Variants in LTBP3 observed in about 807,000 individuals in gnomAD.
LTBP3 encodes the protein latent transforming growth factor beta binding protein 3.
Under a neutral mutation model 159.7 loss-of-function variants are expected in LTBP3, and 97 were observed. The observed-to-expected ratio is 0.61, with a 90% CI of 0.52 to 0.72. The LOEUF is 0.72. LTBP3 is among the 30% of genes least tolerant of loss of function. The pLI, the probability that LTBP3 is intolerant of heterozygous loss-of-function variation, is 0.00. For missense variants in LTBP3, 1,584 were observed against 1,864.3 expected (o/e 0.85, Z 2.77); for synonymous variants, 824 against 777.1 (o/e 1.06, Z -1.00).
Position 65,540,715 on chromosome 11 carries a change from A to ACAGGAGGGGCGGGGCCTC in LTBP3, c.2978-102_2978-101insGAGGCCCCGCCCCTCCTG. 4.6e-6 allele frequency: 7 copies of ACAGGAGGGGCGGGGCCTC among 1,511,096 alleles called. 1 individual carries two copies. The highest frequency in any genetic ancestry group is 2.3e-5 in the East Asian group (1 of 44,410). The allele number at this position is 1,511,096 out of a possible 1,614,324, so 93.6% of individuals were successfully genotyped here. On this transcript the variant is annotated intron_variant, in intron 21 of 27. Coordinates refer to ENST00000301873, the MANE Select transcript of LTBP3 (RefSeq NM_001130144.3). Reference sequence around the variant, plus strand: ...GCGAAGCCATCCCCGGGCGGGGCCTACAGGAGGGGCGGGGCCTACAGGGCG... The same window carrying ACAGGAGGGGCGGGGCCTC: ...GCGAAGCCATCCCCGGGCGGGGCCTACAGGAGGGGCGGGGCCTCCAGGAGGGGCGGGGCCTACAGGGCG...
chr11:65,558,011 G>A lies in LTBP3; in HGVS notation c.-52C>T. 9.1e-7 allele frequency: 1 copy of A among 1,097,256 alleles called. No homozygotes were observed. The highest frequency in any genetic ancestry group is 1.1e-6 in the Non-Finnish European group (1 of 901,820). The allele number at this position is 1,097,256 out of a possible 1,614,324, so 68.0% of individuals were successfully genotyped here. ...GGGGCGCGCCCGGGCGGGGCGAGGG[G>A]CCCGCGCCCGAAGGGAGTAGAGGGC... On this transcript the variant is annotated 5_prime_UTR_variant, in exon 1 of 28. Transcript: ENST00000301873.
At chr11:65,543,371 T>TGGG (rs956911435) in intron 17 of LTBP3, 56 bp downstream of exon 17, 2 of 1,611,726 alleles carry the variant, frequency 1.2e-6, no homozygotes, top group Non-Finnish European at 1.7e-6. Context: ...CCCTGGGGGG[T>TGGG]GGGGGTCCTG....
rs1014208269 is a variant in LTBP3, at chr11:65,548,825, C to T, written c.1721-780G>A. ...TTTGCCTGGAGTACCTCTCCTTAGG[C>T]TTCCTTAACAGCCCCTCCTTTGAGG... On this transcript the variant is annotated intron_variant, in intron 11 of 27. Transcript: ENST00000301873. 2.6e-5 allele frequency: 4 copies of T among 152,448 alleles called. No homozygotes were observed. In the East Asian group the frequency reaches 7.7e-4, roughly 29 times the overall value. The allele number at this position is 152,448 out of a possible 1,614,324, so 9.4% of individuals were successfully genotyped here.
Position 65,543,477 on chromosome 11 carries a change from C to A in LTBP3, c.2426G>T (p.Cys809Phe). ...CAGATGGTAGCCAGAGAGGCACTGACACTGGAAAGATCCTGGCGTGTTGCT... is the reference window on the plus strand; with the variant it reads ...CAGATGGTAGCCAGAGAGGCACTGAAACTGGAAAGATCCTGGCGTGTTGCT... ...ICSNTPGSFQCQCLSGYHLSR... is the reference protein window; with the variant it reads ...ICSNTPGSFQFQCLSGYHLSR... Residue 809 changes from cysteine (C) to phenylalanine (F), a missense_variant, in exon 17 of 28, where the codon TGT becomes TTT. Transcript: ENST00000301873. 1 of 1,614,134 alleles carries A rather than the reference C, an allele frequency of 6.2e-7. No individual in the cohort carries two copies. Among genetic ancestry groups the A allele is most frequent in the Non-Finnish European group, 8.5e-7 (1 of 1,179,990 alleles).
In LTBP3 at chr11:65,557,639, G is replaced by A. The variant is rs767979308; in HGVS notation, c.321C>T (p.Gly107=). 7.5e-6 allele frequency: 12 copies of A among 1,610,036 alleles called. No individual in the cohort carries two copies. The highest frequency in any genetic ancestry group is 1.7e-5 in the Admixed American group (1 of 59,982). ...GHSTDTLTGS[G]FRVVVCPLPC... ...GCCCCCGGCCCTCACCCACGCGGAAGCCGGAGCCCGTGAGCGTGTCTGTGC... is the reference window on the plus strand; with the variant it reads ...GCCCCCGGCCCTCACCCACGCGGAAACCGGAGCCCGTGAGCGTGTCTGTGC... Residue 107 remains glycine, a synonymous_variant, in exon 1 of 28, where the codon GGC becomes GGT. Coordinates refer to ENST00000301873, the MANE Select transcript of LTBP3 (RefSeq NM_001130144.3).
At chr11:65,540,696 C>G (rs1856078639) in intron 21 of LTBP3, 82 bp from the exon 22 acceptor site, 1 of 1,197,512 alleles carries the variant, frequency 8.4e-7, no homozygotes, top group South Asian at 1.3e-5. Flanking sequence ...CGGAGCGAAG[C>G]CATCCCCGGG....
chr11:65,552,253 C>T lies in LTBP3; in HGVS notation c.1340G>A (p.Gly447Asp). The T allele has an allele frequency of 6.2e-7, 1 of 1,614,142 alleles. No individual in the cohort carries two copies. Among genetic ancestry groups the T allele is most frequent in the Non-Finnish European group, 8.5e-7 (1 of 1,180,008 alleles). Residue 447 changes from glycine to aspartate, a missense_variant, in exon 7 of 28, where the codon GGC becomes GAC. By Grantham distance (94) the Gly-to-Asp change is moderately conservative (BLOSUM62 -1). Transcript: ENST00000301873. The surrounding 1 kb of genome is among the most constrained non-coding windows in gnomAD (Gnocchi z 6.0). ...CCCGGGTAACCCTGACTCACCGGTG[C>T]CATCTGTTGGGCAGCGCTGACACCG... ...GARCQRCPTD[G>D]TAAFKEICPA...
intron 11 of LTBP3, among the ~76,000 whole-genome samples, chr11:65,550,439 A>G (rs1565097783): frequency 6.6e-6 from 1 of 151,890 alleles, no homozygotes; most frequent in African/African-American, 2.4e-5. Flanking sequence ...AATAAAAATA[A>G]AAATAAAAAA....
intron 11 of LTBP3, chr11:65,548,691 C>T (rs866765534): frequency 6.2e-6 from 1 of 162,210 alleles, no homozygotes; most frequent in African/African-American, 2.4e-5. Flanking sequence ...TCACCAGTTT[C>T]ATTTCCCACA....
rs780613881 is a variant in LTBP3 at position 65,547,547 on chromosome 11, G to A, written c.1999C>T (p.Pro667Ser). 2 of 1,614,012 alleles carry A rather than the reference G, an allele frequency of 1.2e-6. No homozygotes were observed. The highest frequency in any genetic ancestry group is 1.7e-5 in the Admixed American group (1 of 60,014). The change falls in exon 14 of 28, where the codon CCC (proline) becomes TCC (serine). Residue 667 changes from proline (P) to serine (S), a missense_variant. This residue lies in a region of LTBP3 where 565 missense variants were observed against 677.7 expected (regional missense o/e 0.83). Coordinates refer to ENST00000301873, the MANE Select transcript of LTBP3 (RefSeq NM_001130144.3). The surrounding 1 kb of genome is among the most constrained non-coding windows in gnomAD (Gnocchi z 4.6). Reference sequence around the variant, plus strand: ...AAGCCGCCGTCGCCGCACAGGTGGGGCTTGGCGCATTCGTTCAGGTCTGTG... The same window carrying A: ...AAGCCGCCGTCGCCGCACAGGTGGGACTTGGCGCATTCGTTCAGGTCTGTG... ...SCVDLNECAK[P>S]HLCGDGGFCI... is the part of the protein sequence containing the mutation.
Position 65,538,601 on chromosome 11 carries a change from C to G in LTBP3, c.*479G>C, listed in dbSNP as rs750924073. On this transcript the variant is annotated 3_prime_UTR_variant, in exon 28 of 28. Coordinates refer to ENST00000301873, the MANE Select transcript of LTBP3 (RefSeq NM_001130144.3). ...GTGGCCCTTCCCGGCTGCGGAGAGCCCGCCCCACAGATGTATTTATTGTAC... is the reference window on the plus strand; with the variant it reads ...GTGGCCCTTCCCGGCTGCGGAGAGCGCGCCCCACAGATGTATTTATTGTAC... 2.1e-5 allele frequency: 33 copies of G among 1,597,684 alleles called. No homozygotes were observed. Among genetic ancestry groups the G allele is most frequent in the Non-Finnish European group, 2.6e-5 (30 of 1,172,654 alleles).
rs748132211 is a variant in LTBP3 at position 65,549,567 on chromosome 11, C to CTTT, written c.1721-1525_1721-1523dup. Among the ~76,000 whole-genome samples the CTTT allele has an allele frequency of 8.7e-3, 560 of 64,668 alleles. 12 individuals carry two copies. Among genetic ancestry groups the CTTT allele is most frequent in the Middle Eastern group, 0.019 (1 of 52 alleles). The allele number at this position is 64,668 out of a possible 152,430, so 42.4% of individuals were successfully genotyped here. ...GCATGCACCACCACGCCCAGCTAAT[C>CTTT]TTTTTTTTTTTTTTTTTTTTTTTTG... On this transcript the variant is annotated intron_variant, in intron 11 of 27. Coordinates refer to ENST00000301873, the MANE Select transcript of LTBP3 (RefSeq NM_001130144.3).
In LTBP3 at chr11:65,539,591, G is replaced by A. The variant is rs1448751656; in HGVS notation, c.3585C>T (p.Ser1195=). 1.2e-6 allele frequency: 2 copies of A among 1,612,950 alleles called. No individual in the cohort carries two copies. Among genetic ancestry groups the A allele is most frequent in the Non-Finnish European group, 1.7e-6 (2 of 1,179,454 alleles). ...ACAGCAGGGGGCTTGTGTCCCAGAA[G>A]GAATTGCTCTCGCTCTGCGATGTCG... is the stretch of plus-strand genomic sequence containing the variant. The part of the protein sequence containing the change: ...HCPTSQSESN[S]FWDTSPLLLG... The change falls in exon 26 of 28, where the codon TCC becomes TCT. Residue 1195 remains serine (S), a synonymous_variant. Coordinates refer to ENST00000301873, the MANE Select transcript of LTBP3 (RefSeq NM_001130144.3).
chr11:65,557,566 A>G, intron 1 of LTBP3, 63 bp downstream of exon 1: 7 of 1,596,890 alleles, frequency 4.4e-6, no homozygotes, highest in Non-Finnish European at 2.5e-6. Flanking sequence ...AGACCCCACT[A>G]GCTCTCCCAC....
intron 11 of LTBP3, chr11:65,548,330 A>T (rs1856470043): frequency 1.7e-6 from 1 of 596,332 alleles, no homozygotes; most frequent in South Asian, 2.0e-5. Flanking sequence ...CTCACCTCAA[A>T]CCAAACCACA....
chr11:65,540,703 C>CGGGCGGGGCCTACAGTAG, intron 21 of LTBP3, 89 bp from the exon 22 acceptor site: 2 of 1,243,484 alleles, frequency 1.6e-6, no homozygotes, highest in Non-Finnish European at 2.3e-6. Context: ...AAGCCATCCC[C>CGGGCGGGGCCTACAGTAG]GGGCGGGGCC....
intron 16 of LTBP3, chr11:65,545,425 T>G (rs1362406516): frequency 2.2e-5 from 5 of 230,278 alleles, no homozygotes; most frequent in Admixed American, 5.7e-5. Flanking sequence ...ATCCATTCAA[T>G]TTGTCCAATG....
rs748142400 is a variant in LTBP3, at chr11:65,553,888, G to C, written c.677C>G (p.Pro226Arg). 2.6e-6 allele frequency: 4 copies of C among 1,551,604 alleles called. No homozygotes were observed. Among genetic ancestry groups the C allele is most frequent in the Admixed American group, 1.9e-5 (1 of 53,324 alleles). Residue 226 changes from proline to arginine, a missense_variant, in exon 3 of 28, where the codon CCC becomes CGC. Physicochemically the swap from Pro to Arg is moderately radical, Grantham distance 103. Coordinates refer to ENST00000301873, the MANE Select transcript of LTBP3 (RefSeq NM_001130144.3). This position sits in a 1 kb window ranked among gnomAD's most constrained non-coding sequence, Gnocchi z 6.5. ...QISAEVQAPP[P>R]VVNVRVHHPP... ...GTGATGGACGCGCACATTCACCACG[G>C]GGGGCGGGGCCTGCACTGGGGGCGG...
rs1452912691 is a variant in LTBP3 at position 65,539,239 on chromosome 11, T to C, written c.3761-8A>G. On this transcript the variant is annotated splice_region_variant and splice_polypyrimidine_tract_variant and intron_variant, in intron 27 of 27. Coordinates refer to ENST00000301873, the MANE Select transcript of LTBP3 (RefSeq NM_001130144.3). The stretch of plus-strand genomic sequence containing the variant: ...CTCGGCACTCGTCGATATCTGAAGG[T>C]GAGGGCGACAGGTGCGGCTTCGCTG... The C allele has an allele frequency of 2.6e-6, 4 of 1,526,012 alleles. No individual in the cohort carries two copies. The highest frequency in any genetic ancestry group is 3.5e-6 in the Non-Finnish European group (4 of 1,132,488). 94.5% of individuals were successfully genotyped at this position (1,526,012 alleles called of 1,614,324 possible). A position where few individuals can be genotyped will look rare whatever the true frequency, so the allele number is the denominator to read the frequency against.
Sources: allele counts gnomAD v4.1 joint callset (sites outside exome capture counted in the v4.1 genomes callset), GRCh38; gene constraint gnomAD v4.1.1; regional missense constraint gnomAD v4.1.1; non-coding constraint Gnocchi (gnomAD v3.1); transcripts MANE v1.5; gene names NCBI Gene and HGNC (gene_info 2026-07-23, HGNC 2026-07-21).